TTC28: variants seen among roughly 807,000 people sequenced by gnomAD.
TTC28 encodes the protein tetratricopeptide repeat protein 28.
Under a neutral mutation model 198.0 loss-of-function variants are expected in TTC28, and 61 were observed. That is an observed-to-expected ratio of 0.31 (90% CI 0.25 to 0.38). The LOEUF is 0.38. Among genes scored for constraint, TTC28 ranks in the 10% least tolerant of loss-of-function variants. The pLI, the probability that TTC28 is intolerant of heterozygous loss-of-function variation, is 1.00. For missense variants in TTC28, 2,678 were observed against 3,164.0 expected (o/e 0.85, Z 3.69); for synonymous variants, 1,171 against 1,297.8 (o/e 0.90, Z 2.10).
chr22:28,679,518 C>T (rs999346679), intron 1 of TTC28, 104 bp downstream of exon 1: 14 of 737,214 alleles, frequency 1.9e-5, no homozygotes, highest in African/African-American at 7.6e-5. Flanking sequence ...CTGCGAGACG[C>T]CTTCCGCCTC....
chr22:28,519,525 T>C (rs2048857868), intron 2 of TTC28, among the ~76,000 whole-genome samples: 2 of 152,170 alleles, frequency 1.3e-5, no homozygotes, highest in Admixed American at 1.3e-4. Flanking sequence ...CAGAAATAAC[T>C]TGCGGACATC....
chr22:28,200,951 G>T (rs1054127174), intron 5 of TTC28, among the ~76,000 whole-genome samples: 1 of 152,020 alleles, frequency 6.6e-6, no homozygotes, highest in Non-Finnish European at 1.5e-5. Flanking sequence ...ACATTTCTTG[G>T]GAAATCTCTA....
chr22:28,387,004 C>G (rs1321263712), intron 2 of TTC28, among the ~76,000 whole-genome samples: 4 of 152,098 alleles, frequency 2.6e-5, no homozygotes, highest in African/African-American at 9.7e-5. Flanking sequence ...TCCCCCACCC[C>G]CAAAACAGGC....
chr22:27,992,794 CAT>C (rs755013762), intron 18 of TTC28, 131 bp from the exon 19 acceptor site: 179 of 837,268 alleles, frequency 2.1e-4, no homozygotes, highest in Non-Finnish European at 2.8e-4. Flanking sequence ...CACAGCTAGA[CAT>C]GTGTGTCTGT....
At position 27,981,581 on chromosome 22, in the gene TTC28, G is replaced by A. The variant is rs1042466532; in HGVS notation, c.*640C>T. 5.9e-5 allele frequency: 9 copies of A among 151,962 alleles called. No individual in the cohort carries two copies. Among genetic ancestry groups the A allele is most frequent in the Non-Finnish European group, 1.2e-4 (8 of 68,004 alleles). The allele number at this position is 151,962 out of a possible 1,614,324, so 9.4% of individuals were successfully genotyped here. On this transcript the variant is annotated 3_prime_UTR_variant, in exon 23 of 23. Transcript: ENST00000397906. Reference sequence around the variant, plus strand: ...CAGCGGGACCCAAAAGACATTTGCAGAGCAGAGTTCAGAATGGAAGCGCTG... The same window carrying A: ...CAGCGGGACCCAAAAGACATTTGCAAAGCAGAGTTCAGAATGGAAGCGCTG...
chr22:28,007,734 C>G (rs1260575880), intron 14 of TTC28: 3 of 152,200 alleles, frequency 2.0e-5, no homozygotes, highest in Non-Finnish European at 4.4e-5. Flanking sequence ...TTGTTGAACA[C>G]CAGCTAGAAT....
intron 5 of TTC28, among the ~76,000 whole-genome samples, chr22:28,289,060 C>A (rs2044739243): frequency 6.6e-6 from 1 of 152,094 alleles, no homozygotes. Context: ...GAGGAGGGTA[C>A]TGCAACAGTC....
chr22:28,396,006 T>A (rs2046809521), intron 2 of TTC28, among the ~76,000 whole-genome samples: 1 of 152,220 alleles, frequency 6.6e-6, no homozygotes, highest in Admixed American at 6.5e-5. Flanking sequence ...ATCACATAGC[T>A]ATTTGGTAGC....
chr22:28,059,591 A>G (rs1005362612), intron 12 of TTC28, among the ~76,000 whole-genome samples: 2 of 151,856 alleles, frequency 1.3e-5, no homozygotes, highest in African/African-American at 4.8e-5. Flanking sequence ...TATTTTTTCT[A>G]ATTATTCTAT....
chr22:28,274,036 G>T (rs928328911), intron 5 of TTC28, among the ~76,000 whole-genome samples: 1 of 152,074 alleles, frequency 6.6e-6, no homozygotes, highest in African/African-American at 2.4e-5. Flanking sequence ...ATGAGCAAAA[G>T]AAACCAGGTA....
chr22:28,015,930 A>G (rs470105), intron 13 of TTC28, among the ~76,000 whole-genome samples: 92,680 of 151,120 alleles, frequency 0.61, 29,203 homozygotes, highest in African/African-American at 0.74. Flanking sequence ...GCTGGTCCAG[A>G]CCAGGAGCTG....
chr22:27,989,155 T>G (rs1049533715), intron 21 of TTC28, among the ~76,000 whole-genome samples: 5 of 152,158 alleles, frequency 3.3e-5, no homozygotes, highest in South Asian at 2.1e-4. Flanking sequence ...CAGCAATATG[T>G]CAGGAGTCAC....
chr22:28,589,645 T>C (rs2050387812), intron 2 of TTC28, among the ~76,000 whole-genome samples: 1 of 152,180 alleles, frequency 6.6e-6, no homozygotes, highest in Non-Finnish European at 1.5e-5. Flanking sequence ...TTTGTCTAAG[T>C]TTTTATTTTA....
In TTC28 at chr22:28,452,668, G is replaced by C. The variant is rs373904022; in HGVS notation, c.382-146025C>G. On this transcript the variant is annotated intron_variant, in intron 2 of 22. Transcript: ENST00000397906. ...GAGAGAATAACCATAGTCATTTTGT[G>C]GGGGAATGGGACAGGGGCGGTTAGG... is the stretch of plus-strand genomic sequence containing the variant. Among the ~76,000 whole-genome samples, 13 of 152,208 alleles carry C rather than the reference G, an allele frequency of 8.5e-5. 1 individual carries two copies. Among genetic ancestry groups the C allele is most frequent in the Admixed American group, 2.0e-4 (3 of 15,282 alleles).
chr22:27,998,414 T>C, intron 16 of TTC28, 126 bp downstream of exon 16: 2 of 1,406,146 alleles, frequency 1.4e-6, no homozygotes, highest in Non-Finnish European at 1.9e-6. Flanking sequence ...GCTCTCTCCC[T>C]GAGTCTTCTG....
At chr22:28,125,684 T>C (rs1027572274) in intron 6 of TTC28, among the ~76,000 whole-genome samples, 13 of 152,230 alleles carry the variant, frequency 8.5e-5, no homozygotes, top group Non-Finnish European at 1.3e-4. Flanking sequence ...TTCATAAAGA[T>C]CTGCTTGAAA....
At chr22:28,589,271 C>T (rs2146083405) in intron 2 of TTC28, among the ~76,000 whole-genome samples, 1 of 152,280 alleles carries the variant, frequency 6.6e-6, no homozygotes, top group South Asian at 2.1e-4. Context: ...AGCTGAGCTC[C>T]TGTACTAGAC....
chr22:28,419,085 A>G (rs1295039429), intron 2 of TTC28, among the ~76,000 whole-genome samples: 1 of 152,170 alleles, frequency 6.6e-6, no homozygotes, highest in Non-Finnish European at 1.5e-5. Context: ...AAGAATTAAC[A>G]TTTTGTTGAA....
chr22:27,983,168 G>C lies in TTC28; in HGVS notation c.6499C>G (p.Leu2167Val), dbSNP rs1253784547. ...LDPQELAQKI[L>V]EETQSHLIAV... ...ATGAGATGACTCTGTGTCTCCTCCA[G>C]AATTTTCTGGGCTAACTCTTGTGGA... Residue 2167 changes from leucine (L) to valine (V), a missense_variant, in exon 23 of 23, where the codon CTG (leucine) becomes GTG (valine). By Grantham distance (32) the Leu-to-Val change is conservative. Around this residue, in one of 8 missense-constraint regions of TTC28, gnomAD observed 622 missense variants for 656.0 expected, o/e 0.95. Coordinates refer to ENST00000397906, the MANE Select transcript of TTC28 (RefSeq NM_001145418.2). 7.1e-6 allele frequency: 11 copies of C among 1,551,844 alleles called. No individual in the cohort carries two copies. Among genetic ancestry groups the C allele is most frequent in the Middle Eastern group, 1.7e-4 (1 of 5,992 alleles).
Sources: allele counts gnomAD v4.1 joint callset (sites outside exome capture counted in the v4.1 genomes callset), GRCh38; gene constraint gnomAD v4.1.1; regional missense constraint gnomAD v4.1.1; transcripts MANE v1.5; gene names NCBI Gene and HGNC (gene_info 2026-07-23, HGNC 2026-07-21).